The following TMEM178B variants were observed in gnomAD, a reference collection of about 807,000 sequenced individuals.
TMEM178B encodes transmembrane protein 178B.
In TMEM178B, 5 loss-of-function variants were observed where a neutral mutation model predicts 31.0. That is an observed-to-expected ratio of 0.16 (90% CI 0.08 to 0.34). The LOEUF (loss-of-function observed/expected upper bound fraction) is 0.34, where lower values mean the gene tolerates loss of function less well. Ranked by LOEUF, TMEM178B falls within the 10% of genes least tolerant of loss-of-function variation. TMEM178B has a pLI of 1.00. For synonymous variants in TMEM178B, 164 were observed against 164.0 expected, an observed-to-expected ratio of 1.00 and a Z score of 0.00; for missense variants, 275 against 400.3, an observed-to-expected ratio of 0.69 and a Z score of 2.67.
intron 1 of TMEM178B, among the ~76,000 whole-genome samples, chr7:141,162,271 C>T (rs1373779993): frequency 6.6e-6 from 1 of 152,226 alleles, no homozygotes; most frequent in Non-Finnish European, 1.5e-5. Context: ...TTGCCTCTCA[C>T]CTTGTTCCGC....
chr7:141,285,327 ATTT>A, intron 2 of TMEM178B, among the ~76,000 whole-genome samples: 1 of 137,608 alleles, frequency 7.3e-6, no homozygotes, highest in Non-Finnish European at 1.6e-5. Flanking sequence ...ATTTTTTTGT[ATTT>A]TTTTTTTTTA....
intron 2 of TMEM178B, among the ~76,000 whole-genome samples, chr7:141,403,602 C>T (rs988717625): frequency 1.1e-4 from 16 of 152,216 alleles, no homozygotes; most frequent in Non-Finnish European, 2.4e-4. Context: ...ATATCTGTGT[C>T]TCATTGCGAA....
intron 1 of TMEM178B, among the ~76,000 whole-genome samples, chr7:141,088,679 A>G (rs1392106201): frequency 6.6e-6 from 1 of 151,590 alleles, no homozygotes; most frequent in Non-Finnish European, 1.5e-5. Flanking sequence ...TCTCTTCTTC[A>G]TTTTCCTCTG....
intron 2 of TMEM178B, among the ~76,000 whole-genome samples, chr7:141,281,842 T>C (rs1241546547): frequency 6.6e-6 from 1 of 152,046 alleles, no homozygotes. Context: ...GCAGGCCAAG[T>C]GGCAGGCAGG....
At chr7:141,088,100 A>G (rs150810826) in intron 1 of TMEM178B, among the ~76,000 whole-genome samples, 2,728 of 152,164 alleles carry the variant, frequency 0.018, 38 homozygotes, top group Non-Finnish European at 0.027. Context: ...GGAGGGAGAC[A>G]TGTTGCACTT....
chr7:141,458,267 G>A (rs562745311), intron 3 of TMEM178B, among the ~76,000 whole-genome samples: 14 of 152,208 alleles, frequency 9.2e-5, no homozygotes, highest in Middle Eastern at 3.4e-3. Flanking sequence ...TTACAGGTGC[G>A]TGCCACCACA....
intron 1 of TMEM178B, among the ~76,000 whole-genome samples, chr7:141,177,077 G>A (rs986100194): frequency 6.6e-6 from 1 of 152,046 alleles, no homozygotes; most frequent in African/African-American, 2.4e-5. Flanking sequence ...GCTTTCTCTT[G>A]TGGGCATTTA....
At chr7:141,495,776 A>G in the TMEM178B span, among the ~76,000 whole-genome samples, 1 of 152,220 alleles carries the variant, frequency 6.6e-6, no homozygotes, top group Admixed American at 6.5e-5. Context: ...GGTTATAGAA[A>G]GACGTACAAG....
chr7:141,126,425 T>G (rs1795497721), intron 1 of TMEM178B, among the ~76,000 whole-genome samples: 2 of 152,246 alleles, frequency 1.3e-5, no homozygotes, highest in Admixed American at 1.3e-4. Context: ...ATTTATTCAT[T>G]TAGCCTCAGA....
At chr7:141,090,654 G>A (rs1455977739) in intron 1 of TMEM178B, among the ~76,000 whole-genome samples, 1 of 152,186 alleles carries the variant, frequency 6.6e-6, no homozygotes, top group African/African-American at 2.4e-5. Context: ...AAAACATGGT[G>A]GGTATCTGCC....
the TMEM178B span, among the ~76,000 whole-genome samples, chr7:141,495,021 A>G: frequency 6.6e-6 from 1 of 152,212 alleles, no homozygotes; most frequent in Non-Finnish European, 1.5e-5. Context: ...AATTTCCCAT[A>G]AGTAAAGTTT....
downstream of TMEM178B, among the ~76,000 whole-genome samples, chr7:141,482,610 C>A (rs940230303): frequency 6.6e-6 from 1 of 152,180 alleles, no homozygotes; most frequent in African/African-American, 2.4e-5. Flanking sequence ...CTTTAGAGGT[C>A]CCCAAGACCA....
intron 2 of TMEM178B, among the ~76,000 whole-genome samples, chr7:141,304,221 C>A (rs1001759194): frequency 6.6e-6 from 1 of 152,040 alleles, no homozygotes; most frequent in Non-Finnish European, 1.5e-5. Flanking sequence ...TATCTTCCCA[C>A]CTGAAAGATC....
the TMEM178B span, among the ~76,000 whole-genome samples, chr7:141,509,958 C>T: frequency 6.6e-6 from 1 of 152,216 alleles, no homozygotes; most frequent in Non-Finnish European, 1.5e-5. Context: ...TAAAGACAGT[C>T]ATTTTGGGAG....
At chr7:141,175,291 T>G (rs1191096626) in intron 1 of TMEM178B, among the ~76,000 whole-genome samples, 1 of 152,220 alleles carries the variant, frequency 6.6e-6, no homozygotes, top group Non-Finnish European at 1.5e-5. Context: ...GTATTATTTC[T>G]GAGGCCTCTG....
chr7:141,417,145 C>G (rs116490531), intron 2 of TMEM178B, among the ~76,000 whole-genome samples: 5,120 of 152,284 alleles, frequency 0.034, 275 homozygotes, highest in African/African-American at 0.11. Flanking sequence ...TCCCTTGCTA[C>G]CTCATCATCC....
chr7:141,128,625 A>G (rs1047435046), intron 1 of TMEM178B, among the ~76,000 whole-genome samples: 13 of 152,182 alleles, frequency 8.5e-5, no homozygotes, highest in African/African-American at 3.1e-4. Context: ...TTCATACATT[A>G]ATAGTGCATG....
At chr7:141,170,411 G>T (rs910613758) in intron 1 of TMEM178B, among the ~76,000 whole-genome samples, 1 of 152,068 alleles carries the variant, frequency 6.6e-6, no homozygotes, top group African/African-American at 2.4e-5. Context: ...GCTCTTCTCA[G>T]TTTTTTATTG....
chr7:141,211,005 A>G (rs1391792053), intron 1 of TMEM178B, among the ~76,000 whole-genome samples: 3 of 152,158 alleles, frequency 2.0e-5, no homozygotes, highest in African/African-American at 4.8e-5. Flanking sequence ...AGGTGATGCT[A>G]TTAATGGAAA....
Sources: allele counts gnomAD v4.1 joint callset (sites outside exome capture counted in the v4.1 genomes callset), GRCh38; gene constraint gnomAD v4.1.1; transcripts MANE v1.5; gene names NCBI Gene and HGNC (gene_info 2026-07-23, HGNC 2026-07-21).